MMEL1: variants seen among roughly 807,000 people sequenced by gnomAD.
MMEL1 encodes membrane metalloendopeptidase like 1, also known as membrane metallo-endopeptidase-like 1.
In MMEL1, 98 loss-of-function variants were observed where a neutral mutation model predicts 117.1. That is an observed-to-expected ratio of 0.84 (90% confidence interval 0.71 to 0.99). MMEL1 has a LOEUF of 0.99. Ranked by LOEUF, MMEL1 falls within the 50% of genes least tolerant of loss-of-function variation. The probability of loss-of-function intolerance (pLI) is 0.00; values close to 1 mark genes in which losing one functional copy is unlikely to be tolerated. For synonymous variants in MMEL1, 390 were observed against 415.1 expected, an observed-to-expected ratio of 0.94 and a Z score of 0.74; for missense variants, 1,014 against 1,049.1, an observed-to-expected ratio of 0.97 and a Z score of 0.46.
At chr1:2,610,839 G>A (rs750466866) in intron 4 of MMEL1, among the ~76,000 whole-genome samples, 14 of 152,158 alleles carry the variant, frequency 9.2e-5, no homozygotes, top group Non-Finnish European at 1.3e-4. Context: ...CCCCCAGCAC[G>A]GGCAGAAAAG....
At chr1:2,619,434 G>C (rs1054380399) in intron 2 of MMEL1, among the ~76,000 whole-genome samples, 1 of 152,298 alleles carries the variant, frequency 6.6e-6, no homozygotes, top group African/African-American at 2.4e-5. Context: ...AAGGTGGGCA[G>C]ATCACTTGAG....
At chr1:2,622,400 G>A (rs1258954732) in intron 2 of MMEL1, among the ~76,000 whole-genome samples, 1 of 152,078 alleles carries the variant, frequency 6.6e-6, no homozygotes, top group Non-Finnish European at 1.5e-5. Flanking sequence ...CTGGTCTGTG[G>A]GCCACACTTT....
At chr1:2,631,697 C>T (rs560029595) in intron 1 of MMEL1, among the ~76,000 whole-genome samples, 6 of 152,250 alleles carry the variant, frequency 3.9e-5, no homozygotes, top group East Asian at 1.9e-4. Flanking sequence ...CTTCCTTTGA[C>T]GCCCTCTGCT....
At position 2,598,198 on chromosome 1, in the gene MMEL1, G is replaced by C; in HGVS notation, c.1272+9C>G. On this transcript the variant is annotated intron_variant, in intron 13 of 23. Coordinates refer to ENST00000378412, the MANE Select transcript of MMEL1 (RefSeq NM_033467.4). ...GCCCGGCCAGGCTCTGGGCAGGGAA[G>C]GGGCTCACCTTGCGGTAGTTCACTC... 1 of 1,613,342 alleles carries C rather than the reference G, an allele frequency of 6.2e-7. No homozygotes were observed. The highest frequency in any genetic ancestry group is 8.5e-7 in the Non-Finnish European group (1 of 1,179,398).
chr1:2,604,897 C>T (rs1385479104), intron 9 of MMEL1, among the ~76,000 whole-genome samples: 1 of 152,186 alleles, frequency 6.6e-6, no homozygotes, highest in East Asian at 1.9e-4. Flanking sequence ...GTTCTCTCAG[C>T]CCCACTGCTC....
intron 18 of MMEL1, chr1:2,594,157 G>C (rs1644792128): frequency 1.3e-6 from 1 of 772,638 alleles, no homozygotes. Context: ...CCACCATCCT[G>C]TTCTGCCTGC....
At chr1:2,622,317 A>C (rs1458554649) in intron 2 of MMEL1, among the ~76,000 whole-genome samples, 1 of 152,128 alleles carries the variant, frequency 6.6e-6, no homozygotes, top group Non-Finnish European at 1.5e-5. Context: ...AAATACCAAC[A>C]CCGGTCCTGC....
rs1645146277 is a variant in MMEL1, at chr1:2,612,460, C to A, written c.155-256G>T. Reference sequence around the variant, plus strand: ...GCCTTGCCAGCCCCACCCTTTAATTCTCCCTCCACCCACCCCAAGGTCCCC... The same window carrying A: ...GCCTTGCCAGCCCCACCCTTTAATTATCCCTCCACCCACCCCAAGGTCCCC... On this transcript the variant is annotated intron_variant, in intron 2 of 23. Coordinates refer to ENST00000378412, the MANE Select transcript of MMEL1 (RefSeq NM_033467.4). This position sits in a 1 kb window ranked among gnomAD's most constrained non-coding sequence, Gnocchi z 5.4. Among the ~76,000 whole-genome samples the A allele has an allele frequency of 6.6e-6, 1 of 152,120 alleles. No homozygotes were observed. The highest frequency in any genetic ancestry group is 2.1e-4 in the South Asian group (1 of 4,826).
At chr1:2,610,873 A>G (rs1645114477) in intron 4 of MMEL1, among the ~76,000 whole-genome samples, 1 of 152,118 alleles carries the variant, frequency 6.6e-6, no homozygotes, top group Admixed American at 6.5e-5. Context: ...CTTCTCCACT[A>G]TTGGCGCTTT....
chr1:2,625,814 C>T (rs1313185302), intron 2 of MMEL1, among the ~76,000 whole-genome samples: 3 of 152,176 alleles, frequency 2.0e-5, no homozygotes, highest in Non-Finnish European at 4.4e-5. Context: ...GTCCTGAAGG[C>T]ACAAGTAAGT....
intron 23 of MMEL1, 186 bp from the exon 24 acceptor site, chr1:2,591,275 C>A: frequency 1.7e-6 from 1 of 596,592 alleles, no homozygotes; most frequent in Non-Finnish European, 3.0e-6. Flanking sequence ...CTGAGAATAA[C>A]CTCCCCTCCA....
At chr1:2,593,581 G>C (rs910684427) in intron 19 of MMEL1, among the ~76,000 whole-genome samples, 1 of 152,216 alleles carries the variant, frequency 6.6e-6, no homozygotes, top group African/African-American at 2.4e-5. Flanking sequence ...GTGGAGTCAG[G>C]GTCATGGGCT....
At chr1:2,606,868 C>A in intron 7 of MMEL1, 106 bp downstream of exon 7, 1 of 1,039,218 alleles carries the variant, frequency 9.6e-7, no homozygotes, top group Non-Finnish European at 1.5e-6. Context: ...GAGCAGCCAG[C>A]TGGGGGTGGG....
chr1:2,596,608 C>A lies in MMEL1; in HGVS notation c.1354G>T (p.Gly452Cys). The A allele has an allele frequency of 6.2e-7, 1 of 1,613,018 alleles. No homozygotes were observed. Among genetic ancestry groups the A allele is most frequent in the Non-Finnish European group, 8.5e-7 (1 of 1,179,838 alleles). Residue 452 changes from glycine (G) to cysteine (C), a missense_variant, in exon 14 of 24, where the codon GGC (glycine) becomes TGC (cysteine). Physicochemically the swap from Gly to Cys is radical, Grantham distance 159. Transcript: ENST00000378412. The part of the protein sequence containing the change: ...YVNSNMENAV[G>C]SLYVREAFPG... ...AACGCCTCCCTGACGTAGAGGGAGC[C>A]CACGGCGTTCTCCATGTTGCTGTTG...
At chr1:2,621,549 C>A (rs1645289060) in intron 2 of MMEL1, among the ~76,000 whole-genome samples, 1 of 151,154 alleles carries the variant, frequency 6.6e-6, no homozygotes, top group Admixed American at 6.6e-5. Flanking sequence ...GTTGTCCCAC[C>A]TTTCTGGACT....
intron 2 of MMEL1, among the ~76,000 whole-genome samples, chr1:2,626,052 G>A (rs1014612365): frequency 2.0e-5 from 3 of 152,180 alleles, no homozygotes; most frequent in East Asian, 3.8e-4. Flanking sequence ...GAAGGACAGC[G>A]GTGAAGGGAA....
intron 13 of MMEL1, 121 bp downstream of exon 13, chr1:2,598,086 C>T: frequency 1.0e-6 from 1 of 955,952 alleles, no homozygotes; most frequent in Non-Finnish European, 1.6e-6. Context: ...GGCGCCTCGC[C>T]CTGCCTCGTC....
In MMEL1 at chr1:2,598,270, C is replaced by T. The variant is rs1317045843; in HGVS notation, c.1209G>A (p.Leu403=). The change falls in exon 13 of 24, where the codon CTG becomes CTA. Residue 403 remains leucine, a synonymous_variant. Coordinates refer to ENST00000378412, the MANE Select transcript of MMEL1 (RefSeq NM_033467.4). ...RTIQNYLVWR[L]VLDRIGSLSQ... ...TTAGGCTACCAATGCGGTCCAGCAC[C>T]AGGCGCCAGACCAGGTAGTTCTGTA... is the stretch of plus-strand genomic sequence containing the variant. 1 of 1,614,126 alleles carries T rather than the reference C, an allele frequency of 6.2e-7. No homozygotes were observed. Among genetic ancestry groups the T allele is most frequent in the African/African-American group, 1.3e-5 (1 of 75,058 alleles).
intron 9 of MMEL1, 58 bp from the exon 10 acceptor site, chr1:2,604,339 A>G: frequency 6.3e-7 from 1 of 1,595,020 alleles, no homozygotes. Context: ...GCCCCCAGGG[A>G]GTTTTCTGTG....
Sources: gnomAD v4.1 joint callset for allele counts (sites outside exome capture counted in the v4.1 genomes callset) on GRCh38, gnomAD v4.1.1 for gene constraint, Gnocchi (gnomAD v3.1) non-coding constraint, MANE v1.5 for transcripts, NCBI Gene and HGNC (gene_info 2026-07-23, HGNC 2026-07-21) for gene names.